The following SASH1 variants were observed in gnomAD, a reference collection of about 807,000 sequenced individuals.
SASH1 encodes SAM and SH3 domain containing 1.
SASH1 carries 44 observed loss-of-function variants against 125.2 expected under a neutral mutation model. The observed-to-expected ratio is 0.35, with a 90% CI of 0.28 to 0.45. The LOEUF (loss-of-function observed/expected upper bound fraction) is 0.45. SASH1 is among the 20% of genes least tolerant of loss of function. The pLI is 1.00. For missense variants in SASH1, 1,426 were observed against 1,614.5 expected (o/e 0.88, Z 2.00); for synonymous variants, 639 against 649.1 (o/e 0.98, Z 0.24).
intron 1 of SASH1, among the ~76,000 whole-genome samples, chr6:148,286,271 T>C (rs945746012): frequency 2.0e-5 from 3 of 151,720 alleles, no homozygotes; most frequent in African/African-American, 4.8e-5. Flanking sequence ...CGTGGTGGCG[T>C]ATGCTTGTAG....
At chr6:148,512,776 G>A in intron 8 of SASH1, 2 of 984,622 alleles carry the variant, frequency 2.0e-6, no homozygotes, top group Non-Finnish European at 2.4e-6. Flanking sequence ...ATTTTATCTA[G>A]TAATTTTAGA....
intron 1 of SASH1, among the ~76,000 whole-genome samples, chr6:148,387,584 CT>C (rs1477390388): frequency 1.2e-3 from 8 of 6,620 alleles, no homozygotes; most frequent in South Asian, 0.021. Context: ...TTCTTTCTTT[CT>C]TTCTTTCTTT....
chr6:148,237,546 A>G, the SASH1 span: 6 of 152,182 alleles, frequency 3.9e-5, no homozygotes, highest in South Asian at 2.1e-4. Context: ...TTCTCAAGTA[A>G]TGTCATAAAT....
intron 1 of SASH1, among the ~76,000 whole-genome samples, chr6:148,307,153 C>T (rs7768263): frequency 0.11 from 16,968 of 150,794 alleles, 1,035 homozygotes; most frequent in Non-Finnish European, 0.12. Flanking sequence ...GAGTCTCGCT[C>T]TGTCATCCAG....
rs560586415 is a variant in SASH1, at chr6:148,396,986, A to G, written c.285+6724A>G. The stretch of plus-strand genomic sequence containing the variant: ...CCTGCAGTAATGCTGAAGAGTATCC[A>G]TTACTTGTACTTCATTAATATTTAT... On this transcript the variant is annotated intron_variant, in intron 2 of 19. Transcript: ENST00000367467. 3.3e-5 allele frequency among the ~76,000 whole-genome samples: 5 copies of G among 152,032 alleles called. No homozygotes were observed. The South Asian group carries it at 6.2e-4, about 19-fold the overall frequency.
intron 1 of SASH1, among the ~76,000 whole-genome samples, chr6:148,292,253 G>T (rs1779653856): frequency 6.6e-6 from 1 of 152,102 alleles, no homozygotes; most frequent in South Asian, 2.1e-4. Flanking sequence ...CATTTGGATG[G>T]TTATCCAATT....
At chr6:148,312,789 T>C (rs1441181792) in intron 1 of SASH1, among the ~76,000 whole-genome samples, 18 of 152,130 alleles carry the variant, frequency 1.2e-4, no homozygotes, top group Admixed American at 1.2e-3. Context: ...ATAAGTTAAT[T>C]CCAGCCTTAG....
At chr6:148,372,689 C>T (rs1292475274) in intron 1 of SASH1, among the ~76,000 whole-genome samples, 1 of 138,836 alleles carries the variant, frequency 7.2e-6, no homozygotes, top group East Asian at 2.1e-4. Context: ...TTGATTGTTT[C>T]ATTTATTCCA....
chr6:148,280,613 C>T (rs2128505445), intron 1 of SASH1, among the ~76,000 whole-genome samples: 1 of 152,132 alleles, frequency 6.6e-6, no homozygotes, highest in East Asian at 1.9e-4. Context: ...AGTTTGAGAT[C>T]AGCCTGGGAA....
At chr6:148,527,221 A>C (rs1018494562) in intron 11 of SASH1, 7 of 429,088 alleles carry the variant, frequency 1.6e-5, no homozygotes, top group African/African-American at 1.5e-4. Context: ...ATGTACTAAA[A>C]GTAAGTAAAA....
intron 2 of SASH1, among the ~76,000 whole-genome samples, chr6:148,430,653 G>C (rs140823202): frequency 6.6e-6 from 1 of 152,332 alleles, no homozygotes; most frequent in East Asian, 1.9e-4. Flanking sequence ...TTTTGGAAGA[G>C]AGAAGTGACA....
chr6:148,501,065 ACAT>A (rs1156544620), intron 8 of SASH1, among the ~76,000 whole-genome samples: 2 of 151,854 alleles, frequency 1.3e-5, no homozygotes, highest in Non-Finnish European at 2.9e-5. Flanking sequence ...CTAGGAGGTA[ACAT>A]TGGACCCTCC....
chr6:148,246,725 C>G, the SASH1 span, among the ~76,000 whole-genome samples: 1 of 152,200 alleles, frequency 6.6e-6, no homozygotes, highest in Non-Finnish European at 1.5e-5. Flanking sequence ...GCTGAAAGAT[C>G]TTCAGCCTCC....
chr6:148,541,834 A>G (rs1583331116), intron 17 of SASH1, among the ~76,000 whole-genome samples: 1 of 152,148 alleles, frequency 6.6e-6, no homozygotes, highest in African/African-American at 2.4e-5. Flanking sequence ...ATGCCCTGCT[A>G]TTCAAGGTTT....
chr6:148,387,140 G>A (rs1237397390), intron 1 of SASH1, among the ~76,000 whole-genome samples: 1 of 77,908 alleles, frequency 1.3e-5, no homozygotes, highest in African/African-American at 4.9e-5. Flanking sequence ...TTTTTGAGGT[G>A]TAATTTTGCT....
At chr6:148,200,789 A>G in the SASH1 span, among the ~76,000 whole-genome samples, 1 of 152,252 alleles carries the variant, frequency 6.6e-6, no homozygotes, top group East Asian at 1.9e-4. Flanking sequence ...ACAGACATAG[A>G]AGAGAGATTC....
intron 1 of SASH1, among the ~76,000 whole-genome samples, chr6:148,332,013 C>A (rs976326764): frequency 6.6e-6 from 1 of 152,132 alleles, no homozygotes; most frequent in Admixed American, 6.6e-5. Flanking sequence ...TACATCCCTG[C>A]AGCCTCACTT....
intron 2 of SASH1, among the ~76,000 whole-genome samples, chr6:148,404,728 G>T (rs1434863760): frequency 8.7e-5 from 3 of 34,452 alleles, no homozygotes; most frequent in African/African-American, 3.6e-4. Flanking sequence ...TCCTGCCCCA[G>T]CCCCACCGTT....
chr6:148,249,992 T>C, the SASH1 span, among the ~76,000 whole-genome samples: 1 of 152,220 alleles, frequency 6.6e-6, no homozygotes, highest in South Asian at 2.1e-4. Context: ...ATTTGTTAAG[T>C]GAGTGAATGA....
Sources: allele counts gnomAD v4.1 joint callset (sites outside exome capture counted in the v4.1 genomes callset), GRCh38; gene constraint gnomAD v4.1.1; transcripts MANE v1.5; gene names NCBI Gene and HGNC (gene_info 2026-07-23, HGNC 2026-07-21).